Variants in PRKAG2 observed in about 807,000 individuals in gnomAD.
PRKAG2 encodes the protein 5'-AMP-activated protein kinase subunit gamma-2.
In PRKAG2, 26 loss-of-function variants were observed where a neutral mutation model predicts 69.6. That is an observed-to-expected ratio of 0.37 (90% CI 0.27 to 0.52). The LOEUF (loss-of-function observed/expected upper bound fraction) is 0.52. Among genes scored for constraint, PRKAG2 ranks in the 20% least tolerant of loss-of-function variants. The pLI, the probability that PRKAG2 is intolerant of heterozygous loss-of-function variation, is 0.90. For missense variants in PRKAG2, 557 were observed against 740.0 expected, an observed-to-expected ratio of 0.75 and a Z score of 2.87; for synonymous variants, 293 against 285.0, an observed-to-expected ratio of 1.03 and a Z score of -0.28.
chr7:151,786,509 G>C lies in PRKAG2; in HGVS notation c.147C>G (p.Asp49Glu), dbSNP rs761196275. ...DLSSFAMPLL[D>E]GDLEGSGKHS... ...GCTTTCCGGAACCCTCCAGGTCTCC[G>C]TCCAGGAGCGGCATGGCGAAGGAGC... The change falls in exon 2 of 16, where the codon GAC becomes GAG. Residue 49 changes from aspartate (D) to glutamate (E), a missense_variant. By Grantham distance (45) the Asp-to-Glu change is conservative. Around this residue, in one of 2 missense-constraint regions of PRKAG2, gnomAD observed 352 missense variants for 356.7 expected, o/e 0.99. Transcript: ENST00000287878. 1.2e-6 allele frequency: 2 copies of C among 1,613,002 alleles called. No individual in the cohort carries two copies. Among genetic ancestry groups the C allele is most frequent in the Non-Finnish European group, 1.7e-6 (2 of 1,179,662 alleles).
At chr7:151,827,745 T>TTAAAAA (rs1367495239) in intron 1 of PRKAG2, among the ~76,000 whole-genome samples, 2 of 52,248 alleles carry the variant, frequency 3.8e-5, no homozygotes, top group Non-Finnish European at 3.3e-5. Flanking sequence ...TGGCCTTAGG[T>TTAAAAA]AAAAAAAAAA....
At chr7:151,870,103 G>T (rs1286425881) in intron 1 of PRKAG2, among the ~76,000 whole-genome samples, 2 of 135,196 alleles carry the variant, frequency 1.5e-5, no homozygotes, top group Admixed American at 7.5e-5. Context: ...CAGCTGAAAA[G>T]GTGCAGATGA....
intron 3 of PRKAG2, among the ~76,000 whole-genome samples, chr7:151,760,485 C>T (rs1014382884): frequency 4.6e-5 from 7 of 152,134 alleles, no homozygotes; most frequent in Non-Finnish European, 7.4e-5. Flanking sequence ...CCGCCCACCT[C>T]GGCCTGGCCT....
chr7:151,838,755 C>T (rs939656794), intron 1 of PRKAG2, among the ~76,000 whole-genome samples: 6 of 151,244 alleles, frequency 4.0e-5, no homozygotes, highest in Non-Finnish European at 8.8e-5. Flanking sequence ...TGGCTCACAC[C>T]GGTAATCCCA....
chr7:151,655,565 C>T (rs1829291528), intron 4 of PRKAG2, among the ~76,000 whole-genome samples: 1 of 152,080 alleles, frequency 6.6e-6, no homozygotes, highest in African/African-American at 2.4e-5. Flanking sequence ...TTAAATTGCT[C>T]CAGGACTGGC....
At chr7:151,759,957 G>A (rs2075317134) in intron 3 of PRKAG2, among the ~76,000 whole-genome samples, 1 of 152,278 alleles carries the variant, frequency 6.6e-6, no homozygotes, top group East Asian at 1.9e-4. Flanking sequence ...CTTCTAGTAC[G>A]GGCTCCAGGC....
chr7:151,654,117 C>G (rs1002060997), intron 4 of PRKAG2, among the ~76,000 whole-genome samples: 5 of 152,110 alleles, frequency 3.3e-5, no homozygotes, highest in Non-Finnish European at 7.4e-5. Context: ...TGTTTTTGGA[C>G]AGACAAACCC....
At chr7:151,815,116 C>T (rs1233724991) in intron 1 of PRKAG2, among the ~76,000 whole-genome samples, 1 of 152,060 alleles carries the variant, frequency 6.6e-6, no homozygotes, top group Non-Finnish European at 1.5e-5. Flanking sequence ...GGTTTTTTTC[C>T]CCTCTGGCCA....
intron 1 of PRKAG2, among the ~76,000 whole-genome samples, chr7:151,796,760 G>A (rs2077559112): frequency 6.6e-6 from 1 of 152,112 alleles, no homozygotes; most frequent in Admixed American, 6.5e-5. Flanking sequence ...AAGCTGGGGC[G>A]TAAATGACTG....
intron 4 of PRKAG2, among the ~76,000 whole-genome samples, chr7:151,666,271 AT>A (rs1475000141): frequency 6.6e-6 from 1 of 152,196 alleles, no homozygotes; most frequent in African/African-American, 2.4e-5. Context: ...TAAAGAGGTA[AT>A]TAAGTGAGGC....
intron 3 of PRKAG2, among the ~76,000 whole-genome samples, chr7:151,702,393 G>C (rs571917363): frequency 6.6e-6 from 1 of 152,150 alleles, no homozygotes; most frequent in African/African-American, 2.4e-5. Context: ...CATTCAGGCC[G>C]GAGCTTTCGT....
At chr7:151,823,432 T>C (rs2078838522) in intron 1 of PRKAG2, among the ~76,000 whole-genome samples, 1 of 150,110 alleles carries the variant, frequency 6.7e-6, no homozygotes, top group South Asian at 2.2e-4. Flanking sequence ...TATTTGGAAA[T>C]AGGGGCTGTT....
chr7:151,599,481 G>A (rs1429901994), intron 5 of PRKAG2, among the ~76,000 whole-genome samples: 1 of 152,158 alleles, frequency 6.6e-6, no homozygotes, highest in Non-Finnish European at 1.5e-5. Flanking sequence ...AGATGCTTTA[G>A]AATAAAGGCA....
chr7:151,814,407 T>C lies in PRKAG2; in HGVS notation c.115-27866A>G. The C allele has an allele frequency of 2.4e-6, 3 of 1,226,006 alleles. No individual in the cohort carries two copies. Among genetic ancestry groups the C allele is most frequent in the Non-Finnish European group, 3.0e-6 (3 of 984,918 alleles). The allele number at this position is 1,226,006 out of a possible 1,614,324, so 75.9% of individuals were successfully genotyped here. ...CATTTAGAAAGCCAGCTCCCGCAGGTCTGCTTACTCAGCCCCAAGGGGTCC... is the reference window on the plus strand; with the variant it reads ...CATTTAGAAAGCCAGCTCCCGCAGGCCTGCTTACTCAGCCCCAAGGGGTCC... On this transcript the variant is annotated intron_variant, in intron 1 of 15. Transcript: ENST00000287878. This position sits in a 1 kb window ranked among gnomAD's most constrained non-coding sequence, Gnocchi z 4.8.
rs1038864554 is a variant in PRKAG2, at chr7:151,564,161, G to A, written c.1501C>T (p.Arg501Cys). Residue 501 changes from arginine to cysteine, a missense_variant, in exon 14 of 16, where the codon CGT (arginine) becomes TGT (cysteine). Transcript: ENST00000287878. ...DITVTQALQH[R>C]SQYFEGVVKC... ...ACAACACCTTCAAAATACTGTGAAC[G>A]GTGCTGAAGGGCCTGGGTCACCGTG... 2 of 1,613,998 alleles carry A rather than the reference G, an allele frequency of 1.2e-6. No individual in the cohort carries two copies. The highest frequency in any genetic ancestry group is 1.7e-6 in the Non-Finnish European group (2 of 1,180,004).
chr7:151,651,405 G>A (rs1181540660), intron 4 of PRKAG2, among the ~76,000 whole-genome samples: 2 of 152,138 alleles, frequency 1.3e-5, no homozygotes, highest in African/African-American at 2.4e-5. Context: ...TCAGCAGTTC[G>A]AGACCATCCT....
chr7:151,685,774 A>C (rs538428180), intron 3 of PRKAG2, among the ~76,000 whole-genome samples: 8,653 of 152,048 alleles, frequency 0.057, 630 homozygotes, highest in African/African-American at 0.17. Context: ...CTCTAAAAAA[A>C]AAAAAAAAAA....
chr7:151,712,461 GC>G (rs753943565), intron 3 of PRKAG2, among the ~76,000 whole-genome samples: 6 of 152,222 alleles, frequency 3.9e-5, no homozygotes, highest in Admixed American at 6.5e-5. Flanking sequence ...CCCTGCAGGG[GC>G]CTTGCTCTGG....
At chr7:151,661,774 T>C (rs1274282580) in intron 4 of PRKAG2, among the ~76,000 whole-genome samples, 1 of 152,148 alleles carries the variant, frequency 6.6e-6, no homozygotes, top group African/African-American at 2.4e-5. Context: ...GCGTTCCTTC[T>C]CAAAGAGATG....
Sources: gnomAD v4.1 joint callset for allele counts (sites outside exome capture counted in the v4.1 genomes callset) on GRCh38, gnomAD v4.1.1 for gene constraint, gnomAD v4.1.1 regional missense constraint, Gnocchi (gnomAD v3.1) non-coding constraint, MANE v1.5 for transcripts, NCBI Gene and HGNC (gene_info 2026-07-23, HGNC 2026-07-21) for gene names.